SCAI: variants seen among roughly 807,000 people sequenced by gnomAD.
The protein encoded by SCAI is protein SCAI.
A neutral mutation model predicts 92.2 loss-of-function variants in SCAI; 24 were observed. The ratio of observed to expected loss-of-function variants is 0.26; its 90% confidence interval spans 0.19 to 0.37. SCAI has a LOEUF of 0.37. Among genes scored for constraint, SCAI ranks in the 10% least tolerant of loss-of-function variants. SCAI has a pLI of 1.00. For missense variants in SCAI, 450 were observed against 736.2 expected, an observed-to-expected ratio of 0.61 and a Z score of 4.50; for synonymous variants, 261 against 258.6, an observed-to-expected ratio of 1.01 and a Z score of -0.09.
At chr9:125,143,262 CTGCA>C in intron 1 of SCAI, 119 bp downstream of exon 1, 2 of 568,702 alleles carry the variant, frequency 3.5e-6, no homozygotes, top group Non-Finnish European at 5.2e-6. Flanking sequence ...TCCCCCCAGC[CTGCA>C]CCCCCCGCCC....
Position 125,042,664 on chromosome 9 carries a change from C to CACACACACACACACACAT in SCAI, c.231-12926_231-12925insATGTGTGTGTGTGTGTGT, listed in dbSNP as rs139156398. On this transcript the variant is annotated intron_variant, in intron 3 of 17. Transcript: ENST00000336505. ...ACACACACACACACACACACACACA[C>CACACACACACACACACAT]ACATATACAAAAAGAAACATACATA... 6.9e-3 allele frequency among the ~76,000 whole-genome samples: 893 copies of CACACACACACACACACAT among 129,638 alleles called. 9 individuals carry two copies. Among genetic ancestry groups the CACACACACACACACACAT allele is most frequent in the African/African-American group, 0.023 (805 of 35,444 alleles). 85.0% of individuals were successfully genotyped at this position (129,638 alleles called of 152,430 possible).
intron 17 of SCAI, chr9:124,968,210 A>G: frequency 3.6e-6 from 3 of 838,960 alleles, no homozygotes; most frequent in Non-Finnish European, 5.4e-6. Flanking sequence ...AAAAAACGAA[A>G]AACAAAAAAA....
chr9:125,092,038 G>A (rs920466530), intron 2 of SCAI, among the ~76,000 whole-genome samples: 2 of 149,798 alleles, frequency 1.3e-5, no homozygotes, highest in Admixed American at 6.7e-5. Flanking sequence ...GCTGAGGCAG[G>A]AGAATGGCGT....
intron 9 of SCAI, among the ~76,000 whole-genome samples, chr9:125,012,153 A>G (rs1223229775): frequency 6.6e-6 from 1 of 152,196 alleles, no homozygotes; most frequent in African/African-American, 2.4e-5. Context: ...CTAACATCAT[A>G]ATGACAGGAT....
At chr9:125,138,915 T>C (rs893003772) in intron 2 of SCAI, among the ~76,000 whole-genome samples, 28 of 152,168 alleles carry the variant, frequency 1.8e-4, no homozygotes, top group Non-Finnish European at 3.2e-4. Flanking sequence ...TTGCACATGA[T>C]CTCGCAAACT....
intron 2 of SCAI, among the ~76,000 whole-genome samples, chr9:125,114,268 T>C (rs1834992187): frequency 6.6e-6 from 1 of 152,168 alleles, no homozygotes; most frequent in South Asian, 2.1e-4. Context: ...AAATAAATGC[T>C]ATGTGAAAAT....
rs1299847047 is a variant in SCAI at position 124,946,337 on chromosome 9, T to G, written c.*6470A>C. 1 of 152,220 alleles carries G rather than the reference T, an allele frequency of 6.6e-6. No homozygotes were observed. The highest frequency in any genetic ancestry group is 1.5e-5 in the Non-Finnish European group (1 of 68,034). The allele number at this position is 152,220 out of a possible 1,614,324, so 9.4% of individuals were successfully genotyped here. ...TACTATAATTGAAAAGTCTTATGAA[T>G]AGTTGGCTGTTTTATTTAAAATATA... On this transcript the variant is annotated 3_prime_UTR_variant, in exon 18 of 18. Coordinates refer to ENST00000336505, the MANE Select transcript of SCAI (RefSeq NM_001144877.3). This position sits in a 1 kb window ranked among gnomAD's most constrained non-coding sequence, Gnocchi z 4.0.
At position 124,943,753 on chromosome 9, in the gene SCAI, T is replaced by A. The variant is rs754507088; in HGVS notation, c.*9054A>T. On this transcript the variant is annotated 3_prime_UTR_variant, in exon 18 of 18. Transcript: ENST00000336505. ...ATCAAACATAACTTATTTTAACTCC[T>A]ATTTGATTATCTTAACCTTTAGTGA... The A allele has an allele frequency of 9.8e-5, 15 of 152,342 alleles. No homozygotes were observed. The highest frequency in any genetic ancestry group is 1.3e-4 in the Admixed American group (2 of 15,304). 9.4% of individuals were successfully genotyped at this position (152,342 alleles called of 1,614,324 possible). A position where few individuals can be genotyped will look rare whatever the true frequency, so the allele number is the denominator to read the frequency against.
chr9:125,084,022 C>A (rs989949041), intron 2 of SCAI, among the ~76,000 whole-genome samples: 1 of 151,824 alleles, frequency 6.6e-6, no homozygotes. Context: ...GGAACAAGTA[C>A]AAAGATGCTG....
At chr9:125,024,557 G>T (rs1025894647) in intron 6 of SCAI, among the ~76,000 whole-genome samples, 1 of 152,170 alleles carries the variant, frequency 6.6e-6, no homozygotes, top group African/African-American at 2.4e-5. Flanking sequence ...TTATAGGTGT[G>T]AGCCACTGTA....
chr9:124,974,193 T>C (rs1197577431), intron 15 of SCAI: 7 of 450,514 alleles, frequency 1.6e-5, no homozygotes, highest in East Asian at 1.4e-4. Flanking sequence ...AAATGTTGAA[T>C]AGCACTTTGG....
chr9:125,109,452 A>G (rs1229007535), intron 2 of SCAI, among the ~76,000 whole-genome samples: 1 of 152,174 alleles, frequency 6.6e-6, no homozygotes, highest in East Asian at 1.9e-4. Context: ...GTATTTAATA[A>G]AACACCAAAC....
chr9:125,018,709 T>C lies in SCAI; in HGVS notation c.861+90A>G, dbSNP rs191840432. 217 of 1,120,810 alleles carry C rather than the reference T, an allele frequency of 1.9e-4. 3 individuals are homozygous for C. In the East Asian group the frequency reaches 5.1e-3, roughly 26 times the overall value. 69.4% of individuals were successfully genotyped at this position (1,120,810 alleles called of 1,614,324 possible). ...CAGCAATTTCCTCACAAGAGGATGTTAGGATATTTATAAGAAAATAATTCT... is the reference window on the plus strand; with the variant it reads ...CAGCAATTTCCTCACAAGAGGATGTCAGGATATTTATAAGAAAATAATTCT... On this transcript the variant is annotated intron_variant, in intron 9 of 17. Coordinates refer to ENST00000336505, the MANE Select transcript of SCAI (RefSeq NM_001144877.3).
At chr9:125,010,904 C>T (rs552846772) in intron 9 of SCAI, among the ~76,000 whole-genome samples, 87 of 152,302 alleles carry the variant, frequency 5.7e-4, no homozygotes, top group Non-Finnish European at 9.6e-4. Context: ...GCCACCACTG[C>T]TGGTACCCAG....
At position 125,134,623 on chromosome 9, in the gene SCAI, C is replaced by T. The variant is rs568708394; in HGVS notation, c.98+8010G>A. Among the ~76,000 whole-genome samples, 138 of 152,334 alleles carry T rather than the reference C, an allele frequency of 9.1e-4. 4 individuals are homozygous for T. In the South Asian group the frequency reaches 0.028, roughly 31 times the overall value. Reference sequence around the variant, plus strand: ...TCATAACCCAAACATCATTAACAGACATATTGGACTCTTCAGAATTTTCCA... The same window carrying T: ...TCATAACCCAAACATCATTAACAGATATATTGGACTCTTCAGAATTTTCCA... On this transcript the variant is annotated intron_variant, in intron 2 of 17. Coordinates refer to ENST00000336505, the MANE Select transcript of SCAI (RefSeq NM_001144877.3).
chr9:124,948,229 C>A lies in SCAI; in HGVS notation c.*4578G>T, dbSNP rs189987630. ...AGAAGTTGGAGGGGAGGGAACCACC[C>A]GGATCCTCTATCAGGAAAACTCCAG... On this transcript the variant is annotated 3_prime_UTR_variant, in exon 18 of 18. Transcript: ENST00000336505. 6.6e-6 allele frequency: 1 copy of A among 152,160 alleles called. No homozygotes were observed. The highest frequency in any genetic ancestry group is 2.4e-5 in the African/African-American group (1 of 41,428). 9.4% of individuals were successfully genotyped at this position (152,160 alleles called of 1,614,324 possible). A position where few individuals can be genotyped will look rare whatever the true frequency, so the allele number is the denominator to read the frequency against.
chr9:125,110,563 G>A (rs964491280), intron 2 of SCAI, among the ~76,000 whole-genome samples: 2 of 152,124 alleles, frequency 1.3e-5, no homozygotes, highest in African/African-American at 4.8e-5. Context: ...CATGGGGGTA[G>A]TTCCTCATGA....
At chr9:125,126,509 A>G (rs578235695) in intron 2 of SCAI, among the ~76,000 whole-genome samples, 1 of 142,846 alleles carries the variant, frequency 7.0e-6, no homozygotes, top group Non-Finnish European at 1.5e-5. Context: ...GTTTTTTTAA[A>G]ACCCAATCTG....
intron 12 of SCAI, 40 bp downstream of exon 12, chr9:125,001,925 T>C (rs1346321735): frequency 2.2e-6 from 3 of 1,388,408 alleles, no homozygotes; most frequent in Non-Finnish European, 2.0e-6. Context: ...TAAAGAGAAT[T>C]CAAGCCCTGC....
Sources: gnomAD v4.1 joint callset for allele counts (sites outside exome capture counted in the v4.1 genomes callset) on GRCh38, gnomAD v4.1.1 for gene constraint, Gnocchi (gnomAD v3.1) non-coding constraint, MANE v1.5 for transcripts, NCBI Gene and HGNC (gene_info 2026-07-23, HGNC 2026-07-21) for gene names.